Variants in MUC3A observed in about 807,000 individuals in gnomAD.
The protein encoded by MUC3A is mucin-3A.
In MUC3A, 109 loss-of-function variants were observed where a neutral mutation model predicts 109.0. That is an observed-to-expected ratio of 1.00 (90% CI 0.86 to 1.17). The LOEUF is 1.17. MUC3A is among the 50% of genes most tolerant of loss of function. The probability of loss-of-function intolerance (pLI) is 0.00; values close to 1 mark genes in which losing one functional copy is unlikely to be tolerated. For missense variants in MUC3A, 3,537 were observed against 2,469.4 expected, an observed-to-expected ratio of 1.43 and a Z score of -9.16; for synonymous variants, 1,398 against 981.4, an observed-to-expected ratio of 1.42 and a Z score of -7.93.
Position 100,959,801 on chromosome 7 carries a change from G to C in MUC3A, c.8022G>C (p.Leu2674Phe). 2 of 1,593,030 alleles carry C rather than the reference G, an allele frequency of 1.3e-6. No homozygotes were observed. Among genetic ancestry groups the C allele is most frequent in the Non-Finnish European group, 1.7e-6 (2 of 1,177,016 alleles). Residue 2674 changes from leucine to phenylalanine, a missense_variant, in exon 2 of 12, where the codon TTG becomes TTC. Transcript: ENST00000379458. ...GAAGTACGTCTACAAATGCAATCTT[G>C]ACTTCTTTTAGTACCATCATCTGGT... Reference protein sequence around the residue: ...TRGSTSTNAILTSFSTIIWSS... With the variant: ...TRGSTSTNAIFTSFSTIIWSS...
chr7:100,957,793 G>C lies in MUC3A; in HGVS notation c.6014G>C (p.Ser2005Thr). Residue 2005 changes from serine to threonine, a missense_variant, in exon 2 of 12, where the codon AGT (serine) becomes ACT (threonine). Physicochemically the swap from Ser to Thr is moderately conservative, Grantham distance 58. Coordinates refer to ENST00000379458, the MANE Select transcript of MUC3A (RefSeq NM_005960.2). ...LITTTTTTSH[S>T]TPSFTSSITT... ...ACCACAACCACCACCACCTCACACA[G>C]TACTCCCAGCTTCACTTCTTCCATC... 1.8e-6 allele frequency: 2 copies of C among 1,084,544 alleles called. No individual in the cohort carries two copies. The highest frequency in any genetic ancestry group is 1.3e-5 in the South Asian group (1 of 78,912). The allele number at this position is 1,084,544 out of a possible 1,614,324, so 67.2% of individuals were successfully genotyped here. A position where few individuals can be genotyped will look rare whatever the true frequency, so the allele number is the denominator to read the frequency against.
rs1792143464 is a variant in MUC3A, at chr7:100,957,850, C to T, written c.6071C>T (p.Pro2024Leu). Reference sequence around the variant, plus strand: ...ACTGAGACCACATCCCACAATACTCCCAGCTTGACTTCTTCGATCACAACC... The same window carrying T: ...ACTGAGACCACATCCCACAATACTCTCAGCTTGACTTCTTCGATCACAACC... ...TTTETTSHNT[P>L]SLTSSITTTE... The change falls in exon 2 of 12, where the codon CCC (proline) becomes CTC (leucine). Residue 2024 changes from proline (P) to leucine (L), a missense_variant. Pro to Leu is a moderately conservative substitution (Grantham distance 98). Coordinates refer to ENST00000379458, the MANE Select transcript of MUC3A (RefSeq NM_005960.2). 3 of 792,134 alleles carry T rather than the reference C, an allele frequency of 3.8e-6. No individual in the cohort carries two copies. The highest frequency in any genetic ancestry group is 1.7e-5 in the African/African-American group (1 of 59,030). 49.1% of individuals were successfully genotyped at this position (792,134 alleles called of 1,614,324 possible).
chr7:100,959,509 C>A lies in MUC3A; in HGVS notation c.7730C>A (p.Pro2577Gln), dbSNP rs758121686. The A allele has an allele frequency of 7.0e-7, 1 of 1,436,132 alleles. No individual in the cohort carries two copies. Among genetic ancestry groups the A allele is most frequent in the Non-Finnish European group, 9.0e-7 (1 of 1,107,782 alleles). The allele number at this position is 1,436,132 out of a possible 1,614,324, so 89.0% of individuals were successfully genotyped here. The change falls in exon 2 of 12, where the codon CCA becomes CAA. Residue 2577 changes from proline to glutamine, a missense_variant. Transcript: ENST00000379458. Reference sequence around the variant, plus strand: ...AGTATTGTTGTTATACCTGAAACCCCAACACAGACCCCTCCTGTACTGACG... The same window carrying A: ...AGTATTGTTGTTATACCTGAAACCCAAACACAGACCCCTCCTGTACTGACG... ...STSIVVIPET[P>Q]TQTPPVLTSA...
rs772694344 is a variant in MUC3A, at chr7:100,960,644, A to G, written c.8865A>G (p.Ala2955=). 1.3e-6 allele frequency: 2 copies of G among 1,596,890 alleles called. No individual in the cohort carries two copies. Among genetic ancestry groups the G allele is most frequent in the Admixed American group, 1.7e-5 (1 of 59,890 alleles). Reference sequence around the variant, plus strand: ...CACAGTCCACGTTGACCACCACTGCAGGTTGGACCTTCTGCCTCTCTGTTC... The same window carrying G: ...CACAGTCCACGTTGACCACCACTGCGGGTTGGACCTTCTGCCTCTCTGTTC... ...MTTQSTLTTT[A]GTCDNGGTWE... The change falls in exon 2 of 12, where the codon GCA becomes GCG. Residue 2955 remains alanine, a splice_region_variant and synonymous_variant. Transcript: ENST00000379458.
chr7:100,962,657 CTCTT>C (rs922886049), intron 3 of MUC3A, among the ~76,000 whole-genome samples: 11 of 7,612 alleles, frequency 1.4e-3, no homozygotes, highest in Admixed American at 4.7e-3. Context: ...TTTCTTTTGT[CTCTT>C]TCTCTTTTCT....
In MUC3A at chr7:100,960,873, A is replaced by C; in HGVS notation, c.8988A>C (p.Lys2996Asn). 6.3e-7 allele frequency: 1 copy of C among 1,598,428 alleles called. No individual in the cohort carries two copies. The change falls in exon 3 of 12, where the codon AAA becomes AAC. Residue 2996 changes from lysine to asparagine, a missense_variant. Coordinates refer to ENST00000379458, the MANE Select transcript of MUC3A (RefSeq NM_005960.2). ...CQNGGQWDGL[K>N]CQCPSTFYGS... ...ATGGGGGTCAGTGGGATGGCCTCAA[A>C]TGCCAGTGCCCCAGCACCTTCTATG...
At chr7:100,965,186 G>A (rs1312989706) in intron 6 of MUC3A, 96 bp from the exon 7 acceptor site, 1 of 1,537,906 alleles carries the variant, frequency 6.5e-7, no homozygotes, top group East Asian at 2.4e-5. Context: ...AGCCCTCACT[G>A]CCCTCCCTGT....
At chr7:100,963,963 G>C in intron 5 of MUC3A, 1 of 694,412 alleles carries the variant, frequency 1.4e-6, no homozygotes, top group South Asian at 1.9e-5. Context: ...CAGCACACTG[G>C]AAGGAGAGAA....
chr7:100,950,895 T>A (rs1446177687), intron 1 of MUC3A, among the ~76,000 whole-genome samples: 1 of 152,302 alleles, frequency 6.6e-6, no homozygotes, highest in African/African-American at 2.4e-5. Flanking sequence ...GGAAGTTTCC[T>A]TTTCTATGCT....
At position 100,960,908 on chromosome 7, in the gene MUC3A, G is replaced by T. The variant is rs761116095; in HGVS notation, c.9023G>T (p.Cys3008Phe). 6.3e-7 allele frequency: 1 copy of T among 1,598,540 alleles called. No individual in the cohort carries two copies. The highest frequency in any genetic ancestry group is 1.1e-5 in the South Asian group (1 of 91,092). Residue 3008 changes from cysteine (C) to phenylalanine (F), a missense_variant, in exon 3 of 12, where the codon TGT (cysteine) becomes TTT (phenylalanine). Transcript: ENST00000379458. ...CCCAGCACCTTCTATGGTTCCAGTT[G>T]TGAGTTTGCTGTGGAACAGGTGGAT... The part of the protein sequence containing the change: ...QCPSTFYGSS[C>F]EFAVEQVDLD...
In MUC3A at chr7:100,963,139, T is replaced by C; in HGVS notation, c.9053-12T>C. On this transcript the variant is annotated splice_polypyrimidine_tract_variant and intron_variant, in intron 3 of 11. Coordinates refer to ENST00000379458, the MANE Select transcript of MUC3A (RefSeq NM_005960.2). The stretch of plus-strand genomic sequence containing the variant: ...ACAGAGAAGTGACTGGGGACATGCA[T>C]GCTCTGTGTAGATGTAGTGGAGACC... The C allele has an allele frequency of 6.3e-7, 1 of 1,597,630 alleles. No individual in the cohort carries two copies. Among genetic ancestry groups the C allele is most frequent in the Non-Finnish European group, 8.5e-7 (1 of 1,179,456 alleles).
At position 100,957,884 on chromosome 7, in the gene MUC3A, CACAT is replaced by C; in HGVS notation, c.6106_6109del (p.Thr2036ProfsTer26). 6.8e-6 allele frequency: 5 copies of C among 733,748 alleles called. No homozygotes were observed. The Admixed American group carries it at 1.0e-4, about 15-fold the overall frequency. The allele number at this position is 733,748 out of a possible 1,614,324, so 45.5% of individuals were successfully genotyped here. A position where few individuals can be genotyped will look rare whatever the true frequency, so the allele number is the denominator to read the frequency against. On this transcript the variant is annotated frameshift_variant, in exon 2 of 12. Coordinates refer to ENST00000379458, the MANE Select transcript of MUC3A (RefSeq NM_005960.2). LOFTEE classifies it high-confidence loss of function. ...CTTCTTCGATCACAACCACCGAGAC[CACAT>C]CCCATAGTACTCCCAGCTTCACTTC...
intron 3 of MUC3A, among the ~76,000 whole-genome samples, chr7:100,962,811 C>CTCTCTCTCTT (rs1243533112): frequency 2.4e-5 from 3 of 126,480 alleles, no homozygotes; most frequent in Non-Finnish European, 5.3e-5. Flanking sequence ...CTCTCTCTCT[C>CTCTCTCTCTT]TCTTTCTTTC....
rs1363619400 is a variant in MUC3A, at chr7:100,951,901, G to T, written c.122G>T (p.Ser41Ile). Residue 41 changes from serine to isoleucine, a missense_variant, in exon 2 of 12, where the codon AGC (serine) becomes ATC (isoleucine). Transcript: ENST00000379458. ...QVPFPRAEAA[S>I]AVLSNSPHSR... is the part of the protein sequence containing the mutation. ...CCTTTCCCCAGAGCAGAAGCAGCCA[G>T]CGCTGTGCTCAGCAATTCTCCACAC... The T allele has an allele frequency of 1.3e-6, 2 of 1,598,626 alleles. No homozygotes were observed. The highest frequency in any genetic ancestry group is 1.7e-6 in the Non-Finnish European group (2 of 1,179,760).
In MUC3A at chr7:100,957,226, C is replaced by A; in HGVS notation, c.5447C>A (p.Thr1816Asn). Residue 1816 changes from threonine to asparagine, a missense_variant, in exon 2 of 12, where the codon ACC becomes AAC. Thr to Asn is a moderately conservative substitution (Grantham distance 65). Transcript: ENST00000379458. Reference sequence around the variant, plus strand: ...GCGATCACCAGTGGTACCACAAACACCACCCCTCTATCTACATTGGTGACC... The same window carrying A: ...GCGATCACCAGTGGTACCACAAACAACACCCCTCTATCTACATTGGTGACC... Reference protein sequence around the residue: ...TEAITSGTTNTTPLSTLVTTF... With the variant: ...TEAITSGTTNNTPLSTLVTTF... 6.2e-6 allele frequency: 3 copies of A among 481,000 alleles called. No homozygotes were observed. Among genetic ancestry groups the A allele is most frequent in the South Asian group, 4.6e-5 (1 of 21,596 alleles). The allele number at this position is 481,000 out of a possible 1,614,324, so 29.8% of individuals were successfully genotyped here. A position where few individuals can be genotyped will look rare whatever the true frequency, so the allele number is the denominator to read the frequency against.
At chr7:100,949,768 G>A (rs1791882755) in intron 1 of MUC3A, 83 bp downstream of exon 1, 1 of 1,353,716 alleles carries the variant, frequency 7.4e-7, no homozygotes, top group Non-Finnish European at 9.8e-7. Flanking sequence ...TGGCTGTAAG[G>A]CCTGGGGAGG....
intron 8 of MUC3A, 109 bp from the exon 9 acceptor site, chr7:100,966,269 ACCCCCCGC>A: frequency 1.0e-6 from 1 of 984,760 alleles, no homozygotes; most frequent in Non-Finnish European, 1.3e-6. Context: ...CTAGGGTGGA[ACCCCCCGC>A]TGCCCTAGGC....
At chr7:100,966,049 T>TCGCCCTATCGTGTAGCCCCGCCTCC in intron 8 of MUC3A, 183 bp downstream of exon 8, 1 of 855,048 alleles carries the variant, frequency 1.2e-6, no homozygotes, top group Non-Finnish European at 1.7e-6. Context: ...GCTCTGCTCC[T>TCGCCCTATCGTGTAGCCCCGCCTCC]TTGATGGGGT....
rs1792146730 is a variant in MUC3A at position 100,957,984 on chromosome 7, A to T, written c.6205A>T (p.Thr2069Ser). The change falls in exon 2 of 12, where the codon ACC becomes TCC. Residue 2069 changes from threonine (T) to serine (S), a missense_variant. Thr to Ser is a moderately conservative substitution (Grantham distance 58). Transcript: ENST00000379458. ...FTSLITITEI[T>S]SHSTLSYTTS... is the part of the protein sequence containing the mutation. Reference sequence around the variant, plus strand: ...TTCATTGATCACCATCACCGAGATCACCTCACACAGTACTCTCAGCTACAC... The same window carrying T: ...TTCATTGATCACCATCACCGAGATCTCCTCACACAGTACTCTCAGCTACAC... 6 of 393,516 alleles carry T rather than the reference A, an allele frequency of 1.5e-5. No individual in the cohort carries two copies. In the East Asian group the frequency reaches 2.5e-4, roughly 17 times the overall value. 24.4% of individuals were successfully genotyped at this position (393,516 alleles called of 1,614,324 possible).
Sources: allele counts gnomAD v4.1 joint callset (sites outside exome capture counted in the v4.1 genomes callset), GRCh38; gene constraint gnomAD v4.1.1; transcripts MANE v1.5; gene names NCBI Gene and HGNC (gene_info 2026-07-23, HGNC 2026-07-21).